Variants in LTBP1 observed in about 807,000 individuals in gnomAD.
LTBP1 encodes the protein latent-transforming growth factor beta-binding protein 1.
A neutral mutation model predicts 207.6 loss-of-function variants in LTBP1; 129 were observed. The observed-to-expected ratio is 0.62, with a 90% confidence interval of 0.54 to 0.72. The LOEUF (loss-of-function observed/expected upper bound fraction) is 0.72, where lower values mean the gene tolerates loss of function less well. Ranked by LOEUF, LTBP1 falls within the 30% of genes least tolerant of loss-of-function variation. LTBP1 has a pLI of 0.00. For synonymous variants in LTBP1, 963 were observed against 833.7 expected, an observed-to-expected ratio of 1.16 and a Z score of -2.67; for missense variants, 2,281 against 2,217.2, an observed-to-expected ratio of 1.03 and a Z score of -0.58.
At chr2:33,371,926 A>G (rs1367683918) in intron 31 of LTBP1, among the ~76,000 whole-genome samples, 1 of 152,234 alleles carries the variant, frequency 6.6e-6, no homozygotes, top group Admixed American at 6.5e-5. Flanking sequence ...CAGCACGTGG[A>G]CCATCCCTTT....
chr2:33,311,456 T>C (rs1467797782), intron 23 of LTBP1, among the ~76,000 whole-genome samples: 2 of 151,066 alleles, frequency 1.3e-5, no homozygotes, highest in Non-Finnish European at 2.9e-5. Flanking sequence ...ATTATAAATA[T>C]ATGTGAGAAT....
chr2:33,031,382 G>T lies in LTBP1; in HGVS notation c.863+10176G>T, dbSNP rs146479475. 4.6e-5 allele frequency among the ~76,000 whole-genome samples: 7 copies of T among 152,304 alleles called. No homozygotes were observed. In the East Asian group the frequency reaches 1.4e-3, roughly 29 times the overall value. ...CAGTCCTCCTGGCCCCCAGAACACA[G>T]ATTCTCAATAGTTGATTCATTCATT... On this transcript the variant is annotated intron_variant, in intron 3 of 33. Transcript: ENST00000404816.
chr2:33,309,009 G>A (rs112543676), intron 22 of LTBP1, among the ~76,000 whole-genome samples: 7 of 152,092 alleles, frequency 4.6e-5, no homozygotes, highest in Non-Finnish European at 1.0e-4. Context: ...TTGGCCAGGT[G>A]TGGTGGCTCA....
intron 2 of LTBP1, among the ~76,000 whole-genome samples, chr2:32,958,291 G>A (rs1163089688): frequency 2.0e-5 from 3 of 152,168 alleles, no homozygotes; most frequent in Non-Finnish European, 4.4e-5. Context: ...AACGCATAGA[G>A]AGCAGGGCCC....
In LTBP1 at chr2:33,021,189, C is replaced by T; in HGVS notation, c.846C>T (p.Pro282=). ...AGCCGAAGCCTTCAGTGGGACTCCCCCAGCAGATACATTCTCAGTGAGTGT... is the reference window on the plus strand; with the variant it reads ...AGCCGAAGCCTTCAGTGGGACTCCCTCAGCAGATACATTCTCAGTGAGTGT... ...TLKPKPSVGL[P]QQIHSQVTPL... The change falls in exon 3 of 34, where the codon CCC becomes CCT. Residue 282 remains proline, a synonymous_variant. Coordinates refer to ENST00000404816, the MANE Select transcript of LTBP1 (RefSeq NM_206943.4). The T allele has an allele frequency of 1.3e-6, 2 of 1,598,068 alleles. No homozygotes were observed. Among genetic ancestry groups the T allele is most frequent in the South Asian group, 2.3e-5 (2 of 88,472 alleles).
chr2:33,337,902 C>G (rs997724762), intron 24 of LTBP1, among the ~76,000 whole-genome samples: 1 of 152,188 alleles, frequency 6.6e-6, no homozygotes, highest in African/African-American at 2.4e-5. Context: ...TAACATTTAG[C>G]TTTATTTCTC....
chr2:33,061,839 G>T (rs1019087280), intron 3 of LTBP1, among the ~76,000 whole-genome samples: 1 of 152,084 alleles, frequency 6.6e-6, no homozygotes, highest in Non-Finnish European at 1.5e-5. Context: ...TAGAATTTCT[G>T]TGTATAAGGT....
At chr2:33,165,076 G>T (rs2148246188) in intron 5 of LTBP1, among the ~76,000 whole-genome samples, 1 of 152,332 alleles carries the variant, frequency 6.6e-6, no homozygotes, top group South Asian at 2.1e-4. Flanking sequence ...AGTGTGGTAT[G>T]TTCCAGAATC....
At chr2:33,211,375 C>T (rs537653421) in intron 7 of LTBP1, among the ~76,000 whole-genome samples, 23 of 152,352 alleles carry the variant, frequency 1.5e-4, no homozygotes, top group Middle Eastern at 6.8e-3. Flanking sequence ...AACTCCATGT[C>T]CTGATGCAGG....
At chr2:32,948,018 C>G (rs575717179) in intron 1 of LTBP1, among the ~76,000 whole-genome samples, 200 bp downstream of exon 1, 4 of 152,178 alleles carry the variant, frequency 2.6e-5, no homozygotes, top group East Asian at 3.9e-4. Context: ...CTTTTACTGA[C>G]GTGAAACTCC....
chr2:33,022,157 G>A (rs1006095146), intron 3 of LTBP1, among the ~76,000 whole-genome samples: 3 of 151,880 alleles, frequency 2.0e-5, no homozygotes, highest in Admixed American at 6.6e-5. Flanking sequence ...TATTCAGTCT[G>A]TTGCTATAGA....
chr2:33,299,133 G>T (rs563474909), intron 20 of LTBP1, among the ~76,000 whole-genome samples: 5 of 151,744 alleles, frequency 3.3e-5, no homozygotes, highest in African/African-American at 9.7e-5. Flanking sequence ...AATGAGCTGG[G>T]CGGGAGGCTG....
At chr2:33,077,730 G>T (rs550123) in intron 3 of LTBP1, among the ~76,000 whole-genome samples, 1 of 152,032 alleles carries the variant, frequency 6.6e-6, no homozygotes, top group Non-Finnish European at 1.5e-5. Flanking sequence ...GTATCAAAAC[G>T]CATTGTTGTT....
At chr2:33,265,551 TAGCAGGA>T (rs988080379) in intron 15 of LTBP1, among the ~76,000 whole-genome samples, 3 of 152,190 alleles carry the variant, frequency 2.0e-5, no homozygotes, top group Non-Finnish European at 4.4e-5. Context: ...TATTGAAATA[TAGCAGGA>T]AGTAGTCATA....
intron 32 of LTBP1, among the ~76,000 whole-genome samples, chr2:33,396,430 C>G (rs1016218796): frequency 6.6e-6 from 1 of 152,180 alleles, no homozygotes; most frequent in Non-Finnish European, 1.5e-5. Context: ...CCATGTTGGC[C>G]ACGCTGGTCT....
intron 3 of LTBP1, among the ~76,000 whole-genome samples, chr2:33,037,402 G>A (rs1356024250): frequency 1.3e-5 from 2 of 152,078 alleles, no homozygotes; most frequent in Admixed American, 6.5e-5. Flanking sequence ...TTATTAATCT[G>A]CTATTCTGTT....
chr2:33,377,535 C>T (rs996999906), intron 31 of LTBP1, among the ~76,000 whole-genome samples: 4 of 152,142 alleles, frequency 2.6e-5, no homozygotes, highest in Admixed American at 6.5e-5. Context: ...TTTGGCCACT[C>T]TCTGTTATAA....
At chr2:33,380,515 G>A (rs2095200413) in intron 31 of LTBP1, among the ~76,000 whole-genome samples, 1 of 152,032 alleles carries the variant, frequency 6.6e-6, no homozygotes, top group African/African-American at 2.4e-5. Context: ...GCTGCTGTGA[G>A]CTGAGATCAC....
At chr2:33,201,347 A>G (rs2089238082) in intron 7 of LTBP1, among the ~76,000 whole-genome samples, 1 of 152,160 alleles carries the variant, frequency 6.6e-6, no homozygotes, top group African/African-American at 2.4e-5. Flanking sequence ...TGAAATTGGA[A>G]ATCATCATTC....
Sources: gnomAD v4.1 joint callset for allele counts (sites outside exome capture counted in the v4.1 genomes callset) on GRCh38, gnomAD v4.1.1 for gene constraint, MANE v1.5 for transcripts, NCBI Gene and HGNC (gene_info 2026-07-23, HGNC 2026-07-21) for gene names.